The following CCDC60 variants were observed in gnomAD, a reference collection of about 807,000 sequenced individuals.
The protein encoded by CCDC60 is coiled-coil domain-containing protein 60.
CCDC60 carries 54 observed loss-of-function variants against 63.5 expected under a neutral mutation model. That is an observed-to-expected ratio of 0.85 (90% confidence interval 0.68 to 1.07). The LOEUF is 1.07. Among genes scored for constraint, CCDC60 ranks in the 50% least tolerant of loss-of-function variants. The pLI is 0.00. For synonymous variants in CCDC60, 206 were observed against 238.8 expected, an observed-to-expected ratio of 0.86 and a Z score of 1.27; for missense variants, 651 against 684.3, an observed-to-expected ratio of 0.95 and a Z score of 0.54.
chr12:119,363,108 A>C (rs1210444151), intron 1 of CCDC60, among the ~76,000 whole-genome samples: 2 of 152,106 alleles, frequency 1.3e-5, no homozygotes, highest in Middle Eastern at 3.2e-3. Flanking sequence ...AAAAATAAAA[A>C]TAAAAAAGAA....
At chr12:119,369,258 G>A (rs1489937890) in intron 1 of CCDC60, among the ~76,000 whole-genome samples, 3 of 152,166 alleles carry the variant, frequency 2.0e-5, no homozygotes, top group African/African-American at 7.2e-5. Flanking sequence ...TCGCAATGTA[G>A]GTTTTAAAAA....
intron 7 of CCDC60, among the ~76,000 whole-genome samples, chr12:119,512,594 C>T (rs938234377): frequency 3.3e-5 from 5 of 152,224 alleles, no homozygotes; most frequent in African/African-American, 1.2e-4. Context: ...TTCCAGAACC[C>T]CAGAGGAGGG....
chr12:119,453,416 T>C (rs1950670604), intron 2 of CCDC60, among the ~76,000 whole-genome samples: 1 of 152,216 alleles, frequency 6.6e-6, no homozygotes, highest in South Asian at 2.1e-4. Flanking sequence ...GGCTTCTGCA[T>C]GTCATTTCCT....
chr12:119,523,536 C>T (rs575694277), intron 10 of CCDC60, among the ~76,000 whole-genome samples, 157 bp from the exon 11 acceptor site: 1 of 152,304 alleles, frequency 6.6e-6, no homozygotes, highest in East Asian at 1.9e-4. Flanking sequence ...CAGGGAGATG[C>T]TTAGGGAGGC....
chr12:119,392,331 CTAAG>C (rs1254327713), intron 1 of CCDC60, among the ~76,000 whole-genome samples: 1 of 152,176 alleles, frequency 6.6e-6, no homozygotes, highest in Non-Finnish European at 1.5e-5. Context: ...CAGCTTTGAA[CTAAG>C]TGACACAGCT....
chr12:119,438,881 G>A lies in CCDC60; in HGVS notation c.170+10119G>A, dbSNP rs76771592. On this transcript the variant is annotated intron_variant, in intron 2 of 13. Coordinates refer to ENST00000327554, the MANE Select transcript of CCDC60 (RefSeq NM_178499.5). ...TACAGGGATTTTTGTGTCTGAATAAGGACAGAATGAGATAATGTACATAAA... is the reference window on the plus strand; with the variant it reads ...TACAGGGATTTTTGTGTCTGAATAAAGACAGAATGAGATAATGTACATAAA... 7.6e-4 allele frequency among the ~76,000 whole-genome samples: 116 copies of A among 152,078 alleles called. 2 individuals carry two copies. Among genetic ancestry groups the A allele is most frequent in the Middle Eastern group, 6.8e-3 (2 of 294 alleles).
chr12:119,428,411 A>T (rs925913274), intron 1 of CCDC60, among the ~76,000 whole-genome samples: 9 of 152,208 alleles, frequency 5.9e-5, no homozygotes, highest in African/African-American at 1.4e-4. Context: ...CAAATTCTTC[A>T]GAGAGGTTGA....
At chr12:119,354,637 A>C (rs1955698124) in intron 1 of CCDC60, among the ~76,000 whole-genome samples, 1 of 152,184 alleles carries the variant, frequency 6.6e-6, no homozygotes, top group Non-Finnish European at 1.5e-5. Flanking sequence ...GCTCCAGGCA[A>C]ATGGATGTGA....
chr12:119,341,827 A>G (rs1029609549), intron 1 of CCDC60, among the ~76,000 whole-genome samples: 2 of 152,220 alleles, frequency 1.3e-5, no homozygotes, highest in Non-Finnish European at 2.9e-5. Flanking sequence ...TAGAGTTGGT[A>G]TGAGAATATA....
intron 2 of CCDC60, among the ~76,000 whole-genome samples, chr12:119,470,085 G>T (rs1052344806): frequency 2.0e-5 from 3 of 152,176 alleles, no homozygotes; most frequent in Non-Finnish European, 4.4e-5. Context: ...GTGTTTTAAA[G>T]ATAGTTATAG....
chr12:119,490,557 C>G (rs1951559345), intron 5 of CCDC60, among the ~76,000 whole-genome samples: 1 of 151,068 alleles, frequency 6.6e-6, no homozygotes, highest in Non-Finnish European at 1.5e-5. Context: ...ATTTTTCATG[C>G]CTTCTTCTTC....
intron 2 of CCDC60, among the ~76,000 whole-genome samples, chr12:119,455,799 AAAAC>A (rs1950719701): frequency 6.9e-6 from 1 of 145,626 alleles, no homozygotes; most frequent in South Asian, 2.1e-4. Context: ...AAGAAGAAGA[AAAAC>A]AGAAGAAGAA....
intron 2 of CCDC60, among the ~76,000 whole-genome samples, chr12:119,463,029 G>A (rs1950887588): frequency 6.6e-6 from 1 of 152,018 alleles, no homozygotes; most frequent in East Asian, 1.9e-4. Flanking sequence ...TCGCCATGTT[G>A]GCCAGGCTGG....
rs190644830 is a variant in CCDC60 at position 119,497,232 on chromosome 12, T to C, written c.558-2846T>C. Among the ~76,000 whole-genome samples the C allele has an allele frequency of 5.3e-5, 8 of 152,370 alleles. No homozygotes were observed. The East Asian group carries it at 7.7e-4, about 15-fold the overall frequency. ...GGAACTATTTGGTCGATGGCACTAA[T>C]GCTTACCCCACCAGGCCAGGGGGAA... On this transcript the variant is annotated intron_variant, in intron 5 of 13. Transcript: ENST00000327554.
intron 5 of CCDC60, among the ~76,000 whole-genome samples, chr12:119,492,433 TA>T (rs1048118670): frequency 3.3e-5 from 5 of 152,212 alleles, no homozygotes; most frequent in Admixed American, 3.3e-4. Flanking sequence ...GATTCATTTT[TA>T]AAAATTATGA....
intron 1 of CCDC60, among the ~76,000 whole-genome samples, chr12:119,401,306 C>T (rs1343058713): frequency 6.6e-6 from 1 of 152,240 alleles, no homozygotes; most frequent in South Asian, 2.1e-4. Flanking sequence ...CATCTAATCT[C>T]CTATCACCAA....
chr12:119,494,536 G>C (rs940975348), intron 5 of CCDC60, among the ~76,000 whole-genome samples: 1 of 152,168 alleles, frequency 6.6e-6, no homozygotes, highest in African/African-American at 2.4e-5. Context: ...TTACAATCCT[G>C]ATTCTTATAA....
chr12:119,468,459 T>C (rs1950995428), intron 2 of CCDC60, among the ~76,000 whole-genome samples: 1 of 152,198 alleles, frequency 6.6e-6, no homozygotes, highest in South Asian at 2.1e-4. Flanking sequence ...TGAGCAGATA[T>C]GACTGATCCT....
chr12:119,471,899 CCT>C (rs963754934), intron 2 of CCDC60, 93 bp from the exon 3 acceptor site: 7 of 955,158 alleles, frequency 7.3e-6, no homozygotes, highest in South Asian at 3.4e-5. Context: ...TTTTCTCTTT[CCT>C]CTCTCTCTTT....
Sources: gnomAD v4.1 joint callset for allele counts (sites outside exome capture counted in the v4.1 genomes callset) on GRCh38, gnomAD v4.1.1 for gene constraint, MANE v1.5 for transcripts, NCBI Gene and HGNC (gene_info 2026-07-23, HGNC 2026-07-21) for gene names.